The following TAF1 variants were observed in gnomAD, a reference collection of about 807,000 sequenced individuals.
TAF1 encodes transcription initiation factor TFIID subunit 1.
In TAF1, 2 loss-of-function variants were observed where a neutral mutation model predicts 138.5. That is an observed-to-expected ratio of 0.01 (90% CI 0.01 to 0.05). The LOEUF is 0.05. Among genes scored for constraint, TAF1 ranks in the 10% least tolerant of loss-of-function variants. The pLI is 1.00. For missense variants in TAF1, 709 were observed against 1,478.0 expected (o/e 0.48, Z 8.53); for synonymous variants, 437 against 503.2 (o/e 0.87, Z 1.76).
chrX:71,406,326 C>CA (rs1173763080), intron 25 of TAF1, among the ~76,000 whole-genome samples: 1,699 of 30,950 alleles, frequency 0.055, 61 homozygotes, highest in African/African-American at 0.14. Context: ...AACTACATCT[C>CA]AAAAAAAAAA....
intron 28 of TAF1, among the ~76,000 whole-genome samples, chrX:71,417,652 C>T (rs760143175): frequency 9.0e-6 from 1 of 111,570 alleles, no homozygotes; most frequent in South Asian, 3.7e-4. Flanking sequence ...GCGTGAGCAA[C>T]CACCCCCGGC....
At chrX:71,433,212 T>A (rs2148666366) in intron 32 of TAF1, among the ~76,000 whole-genome samples, 1 of 112,110 alleles carries the variant, frequency 8.9e-6, no homozygotes. Context: ...GGTATAGCCA[T>A]GGATGTGTTT....
chrX:71,366,849 T>A (rs2032551565), intron 1 of TAF1, among the ~76,000 whole-genome samples: 1 of 111,400 alleles, frequency 9.0e-6, no homozygotes, highest in Non-Finnish European at 1.9e-5. Context: ...CCCTCTGACA[T>A]CGCTGCCCTG....
chrX:71,487,001 C>T (rs1328075393), intron 13 of TAF1, among the ~76,000 whole-genome samples: 3 of 106,703 alleles, frequency 2.8e-5, no homozygotes, highest in Admixed American at 2.0e-4. Flanking sequence ...GTTTGCTCTT[C>T]TTGGTGGTAT....
rs41469947 is a variant in TAF1 at position 71,516,236 on chromosome X, CT to C, written c.1367-12290del. Among the ~76,000 whole-genome samples, 224 of 89,315 alleles carry C rather than the reference CT, an allele frequency of 2.5e-3. 1 individual carries two copies. In the East Asian group the frequency reaches 0.03, roughly 12 times the overall value. The allele number at this position is 89,315 out of a possible 115,157, so 77.6% of individuals were successfully genotyped here. On this transcript the variant is annotated intron_variant and NMD_transcript_variant, in intron 13 of 14. Transcript: ENST00000373775. ...GCCACAATGCTCAGCTGATTTTTTG[CT>C]TTTTTTTTTTTTTTTGTAGAGTTGG...
At chrX:71,410,560 C>G (rs763394418) in intron 28 of TAF1, among the ~76,000 whole-genome samples, 1 of 102,775 alleles carries the variant, frequency 9.7e-6, no homozygotes, top group South Asian at 4.5e-4. Context: ...CAGGTTCATG[C>G]TATTCTGCTG....
At chrX:71,447,782 A>G (rs1433551694) in intron 32 of TAF1, among the ~76,000 whole-genome samples, 1 of 109,712 alleles carries the variant, frequency 9.1e-6, no homozygotes, top group Non-Finnish European at 1.9e-5. Flanking sequence ...TTCTCACATC[A>G]CCATACAGAA....
At chrX:71,393,098 G>T in intron 20 of TAF1, 104 bp downstream of exon 20, 1 of 1,082,114 alleles carries the variant, frequency 9.2e-7, no homozygotes. Flanking sequence ...TTTATTGTAG[G>T]GTATAGTAAG....
exon 15 of TAF1, chrX:71,529,916 G>C (rs951719620): frequency 4.2e-6 from 1 of 236,917 alleles, no homozygotes; most frequent in South Asian, 4.7e-5. Flanking sequence ...TTGGTGCTGA[G>C]AGAAAAAGTA....
chrX:71,410,211 C>T (rs2035697748), intron 28 of TAF1, among the ~76,000 whole-genome samples: 1 of 110,533 alleles, frequency 9.0e-6, no homozygotes, highest in Non-Finnish European at 1.9e-5. Flanking sequence ...CTTTATTTCA[C>T]CATAAGAAAT....
intron 14 of TAF1, among the ~76,000 whole-genome samples, chrX:71,385,483 T>C (rs116293697): frequency 0.016 from 1,756 of 111,475 alleles, 30 homozygotes; most frequent in African/African-American, 0.055. Flanking sequence ...GCTTTTTTTT[T>C]CCCTCCTTTG....
Position 71,385,473 on chromosome X carries a change from G to A in TAF1, c.2226+424G>A, listed in dbSNP as rs775580456. Among the ~76,000 whole-genome samples the A allele has an allele frequency of 5.4e-5, 6 of 111,321 alleles. No homozygotes were observed. In the East Asian group the frequency reaches 1.7e-3, roughly 31 times the overall value. On this transcript the variant is annotated intron_variant, in intron 14 of 37. Transcript: ENST00000423759. ...CTACAGTCCCCAGCCATAGTGAAAT[G>A]CTTTTTTTTTCCCTCCTTTGTTCTA...
chrX:71,474,154 AAGAGAG>A (rs760729685), intron 13 of TAF1, among the ~76,000 whole-genome samples: 18 of 107,043 alleles, frequency 1.7e-4, no homozygotes, highest in Admixed American at 7.0e-4. Flanking sequence ...AAAAGAAAGA[AAGAGAG>A]AGAGAGAGAG....
At chrX:71,468,328 T>G (rs1262100887), downstream of TAF1, among the ~76,000 whole-genome samples, 1 of 110,150 alleles carries the variant, frequency 9.1e-6, no homozygotes, top group Non-Finnish European at 1.9e-5. Flanking sequence ...AAGGAAATAA[T>G]CAGAGATGAA....
At chrX:71,426,630 G>A (rs2036604079) in intron 32 of TAF1, among the ~76,000 whole-genome samples, 1 of 109,781 alleles carries the variant, frequency 9.1e-6, no homozygotes, top group Non-Finnish European at 1.9e-5. Flanking sequence ...CAGGAGAATC[G>A]CTTGTACCCT....
At chrX:71,455,067 G>A (rs1458029582) in intron 34 of TAF1, 2 of 1,148,086 alleles carry the variant, frequency 1.7e-6, no homozygotes, top group Non-Finnish European at 2.3e-6. Flanking sequence ...GCAGCTGTGG[G>A]ATGAATGAAT....
rs1389260715 is a variant in TAF1 at position 71,459,779 on chromosome X, G to A, written c.5221+71G>A. 6.0e-6 allele frequency: 7 copies of A among 1,166,917 alleles called. No individual in the cohort carries two copies. The South Asian group carries it at 1.0e-4, about 17-fold the overall frequency. On this transcript the variant is annotated intron_variant, in intron 36 of 37. Transcript: ENST00000423759. ...ACCCTCAGAACTGGACTGGATAGGC[G>A]CTCTTGGCCACATATGCTTTTATTG...
intron 13 of TAF1, among the ~76,000 whole-genome samples, chrX:71,480,626 C>A (rs2039054045): frequency 9.0e-6 from 1 of 111,658 alleles, no homozygotes; most frequent in South Asian, 3.7e-4. Context: ...CAGCATTGAA[C>A]AAAAGTCCTT....
intron 32 of TAF1, among the ~76,000 whole-genome samples, chrX:71,430,900 A>G (rs1727410365): frequency 9.0e-6 from 1 of 110,728 alleles, no homozygotes; most frequent in Non-Finnish European, 1.9e-5. Context: ...TGGTTTGGAG[A>G]AAAGATAGCA....
Sources: gnomAD v4.1 joint callset for allele counts (sites outside exome capture counted in the v4.1 genomes callset) on GRCh38, gnomAD v4.1.1 for gene constraint, MANE v1.5 for transcripts, NCBI Gene and HGNC (gene_info 2026-07-23, HGNC 2026-07-21) for gene names.